Variants in SLC24A3 observed in about 807,000 individuals in gnomAD.
The protein encoded by SLC24A3 is solute carrier family 24 member 3.
Under a neutral mutation model 75.8 loss-of-function variants are expected in SLC24A3, and 28 were observed. That is an observed-to-expected ratio of 0.37 (90% CI 0.27 to 0.51). The LOEUF (loss-of-function observed/expected upper bound fraction) is 0.51. Ranked by LOEUF, SLC24A3 falls within the 20% of genes least tolerant of loss-of-function variation. The pLI, the probability that SLC24A3 is intolerant of heterozygous loss-of-function variation, is 0.94. For missense variants in SLC24A3, 663 were observed against 847.8 expected (o/e 0.78, Z 2.71); for synonymous variants, 372 against 334.1 (o/e 1.11, Z -1.24).
chr20:19,232,799 G>T (rs963150258), intron 1 of SLC24A3, among the ~76,000 whole-genome samples: 14 of 152,220 alleles, frequency 9.2e-5, no homozygotes, highest in African/African-American at 3.4e-4. Context: ...GGCATCAGGT[G>T]TCCTCACCTT....
rs1273639278 is a variant in SLC24A3, at chr20:19,329,838, T to G, written c.271+48751T>G. On this transcript the variant is annotated intron_variant, in intron 2 of 16. Transcript: ENST00000328041. ...CATCTACTTAATACACAGTGAGTGC[T>G]AGCCTTTTACCTGTGCTATTTGAAG... Among the ~76,000 whole-genome samples, 4 of 152,224 alleles carry G rather than the reference T, an allele frequency of 2.6e-5. No homozygotes were observed. In the East Asian group the frequency reaches 7.7e-4, roughly 29 times the overall value.
intron 2 of SLC24A3, among the ~76,000 whole-genome samples, chr20:19,398,773 T>G (rs1220718966): frequency 1.3e-5 from 2 of 152,224 alleles, no homozygotes; most frequent in Non-Finnish European, 2.9e-5. Flanking sequence ...GGAAATGCAT[T>G]TAATCTTTCA....
chr20:19,412,462 TA>T (rs1986760115), intron 2 of SLC24A3, among the ~76,000 whole-genome samples: 1 of 146,608 alleles, frequency 6.8e-6, no homozygotes. Flanking sequence ...AGAGGAAGAG[TA>T]AATAAGGAGA....
At chr20:19,220,226 A>G (rs1478551298) in intron 1 of SLC24A3, among the ~76,000 whole-genome samples, 3 of 152,230 alleles carry the variant, frequency 2.0e-5, no homozygotes, top group Non-Finnish European at 2.9e-5. Context: ...TTGGCTTGTC[A>G]ATAGTGATTT....
At chr20:19,261,504 TA>T (rs1475986523) in intron 1 of SLC24A3, among the ~76,000 whole-genome samples, 2 of 151,780 alleles carry the variant, frequency 1.3e-5, no homozygotes, top group Non-Finnish European at 1.5e-5. Context: ...CACATTCAGC[TA>T]TTTTTTTTTA....
chr20:19,507,316 G>C (rs748007952), intron 2 of SLC24A3, among the ~76,000 whole-genome samples: 1 of 152,204 alleles, frequency 6.6e-6, no homozygotes, highest in Non-Finnish European at 1.5e-5. Context: ...GGCAAACAAC[G>C]TGCAAAAGGC....
intron 15 of SLC24A3, among the ~76,000 whole-genome samples, chr20:19,713,202 A>G (rs887058125): frequency 2.0e-5 from 3 of 152,236 alleles, no homozygotes; most frequent in Admixed American, 6.5e-5. Context: ...TGGTCTCTGC[A>G]GTTTACTTTG....
chr20:19,542,104 G>A (rs570675225), intron 3 of SLC24A3, among the ~76,000 whole-genome samples: 36 of 152,336 alleles, frequency 2.4e-4, no homozygotes, highest in African/African-American at 8.4e-4. Flanking sequence ...GGGAGAGATA[G>A]CAGGTGGAGC....
chr20:19,684,471 A>G, intron 11 of SLC24A3, 135 bp downstream of exon 11: 1 of 1,036,170 alleles, frequency 9.7e-7, no homozygotes, highest in Non-Finnish European at 1.4e-6. Flanking sequence ...CCATTTCCTA[A>G]TCTTAGTTCC....
chr20:19,221,955 T>A (rs1981726659), intron 1 of SLC24A3, among the ~76,000 whole-genome samples: 2 of 152,196 alleles, frequency 1.3e-5, no homozygotes, highest in South Asian at 4.1e-4. Context: ...CTCCCTTTTC[T>A]CTTTCTGGAT....
chr20:19,490,192 G>A (rs571003939), intron 2 of SLC24A3, among the ~76,000 whole-genome samples: 1 of 152,258 alleles, frequency 6.6e-6, no homozygotes, highest in South Asian at 2.1e-4. Context: ...TTTCACTCTA[G>A]ATGGTAATGA....
At chr20:19,340,981 A>G (rs1427502344) in intron 2 of SLC24A3, among the ~76,000 whole-genome samples, 1 of 152,162 alleles carries the variant, frequency 6.6e-6, no homozygotes, top group Non-Finnish European at 1.5e-5. Context: ...GAATGATAGA[A>G]CCACAGTTCA....
intron 2 of SLC24A3, among the ~76,000 whole-genome samples, chr20:19,449,500 C>T (rs1987445171): frequency 6.6e-6 from 1 of 152,206 alleles, no homozygotes; most frequent in Non-Finnish European, 1.5e-5. Context: ...ATGCCTTGAC[C>T]TCTGGCAGGA....
At chr20:19,678,678 C>T (rs1400874218) in intron 9 of SLC24A3, among the ~76,000 whole-genome samples, 5 of 147,770 alleles carry the variant, frequency 3.4e-5, no homozygotes, top group Admixed American at 1.3e-4. Context: ...CGGCGGCTGC[C>T]GGGCGGAGAC....
chr20:19,322,456 A>G (rs1266833483), intron 2 of SLC24A3, among the ~76,000 whole-genome samples: 3 of 116,430 alleles, frequency 2.6e-5, no homozygotes, highest in Non-Finnish European at 5.3e-5. Context: ...CATTACCTTC[A>G]TTGTTCTTTT....
chr20:19,418,235 C>G (rs1245731351), intron 2 of SLC24A3, among the ~76,000 whole-genome samples: 2 of 152,114 alleles, frequency 1.3e-5, no homozygotes, highest in Non-Finnish European at 2.9e-5. Flanking sequence ...TATGAAACAT[C>G]AAGAAAAGGA....
intron 2 of SLC24A3, among the ~76,000 whole-genome samples, chr20:19,368,102 G>A (rs1985928510): frequency 6.9e-6 from 1 of 145,696 alleles, no homozygotes. Context: ...ATGAATGTGA[G>A]TGTGTGTGTG....
chr20:19,654,164 C>T lies in SLC24A3; in HGVS notation c.687+28C>T, dbSNP rs372806231. 30 of 1,606,232 alleles carry T rather than the reference C, an allele frequency of 1.9e-5. No individual in the cohort carries two copies. In the African/African-American group the frequency reaches 3.9e-4, roughly 21 times the overall value. On this transcript the variant is annotated intron_variant, in intron 7 of 16. Coordinates refer to ENST00000328041, the MANE Select transcript of SLC24A3 (RefSeq NM_020689.4). ...GAGTCACTCTGGCCATTTCAGCTCC[C>T]ATCAGTGCTCTTTTAAGCACCAGGG...
intron 7 of SLC24A3, among the ~76,000 whole-genome samples, chr20:19,662,436 G>T (rs1001991588): frequency 6.6e-6 from 1 of 152,244 alleles, no homozygotes. Flanking sequence ...GGCTAAAGCC[G>T]CCTTCAGTAG....
Sources: gnomAD v4.1 joint callset for allele counts (sites outside exome capture counted in the v4.1 genomes callset) on GRCh38, gnomAD v4.1.1 for gene constraint, MANE v1.5 for transcripts, NCBI Gene and HGNC (gene_info 2026-07-23, HGNC 2026-07-21) for gene names.